Variants in ANO5 observed in about 807,000 individuals in gnomAD.
ANO5 encodes anoctamin-5.
Under a neutral mutation model 121.0 loss-of-function variants are expected in ANO5, and 109 were observed. The ratio of observed to expected loss-of-function variants is 0.90; its 90% CI spans 0.77 to 1.06. The LOEUF (loss-of-function observed/expected upper bound fraction) is 1.06. Ranked by LOEUF, ANO5 falls within the 50% of genes least tolerant of loss-of-function variation. The probability of loss-of-function intolerance (pLI) is 0.00; values close to 1 mark genes in which losing one functional copy is unlikely to be tolerated. For missense variants in ANO5, 1,064 were observed against 1,078.5 expected (o/e 0.99, Z 0.19); for synonymous variants, 406 against 359.9 (o/e 1.13, Z -1.45).
At chr11:22,258,496 G>A (rs951911367) in intron 14 of ANO5, among the ~76,000 whole-genome samples, 3 of 151,976 alleles carry the variant, frequency 2.0e-5, no homozygotes, top group Admixed American at 6.6e-5. Flanking sequence ...AATTTGACTC[G>A]CTTCCTCAAC....
chr11:22,257,102 T>C (rs752160517), intron 13 of ANO5, among the ~76,000 whole-genome samples: 3 of 151,600 alleles, frequency 2.0e-5, no homozygotes, highest in Non-Finnish European at 4.4e-5. Context: ...TTTTGTTTTG[T>C]TTTTTTACTA....
intron 7 of ANO5, among the ~76,000 whole-genome samples, chr11:22,230,728 C>A (rs888002832): frequency 2.6e-5 from 4 of 151,890 alleles, no homozygotes; most frequent in African/African-American, 4.8e-5. Context: ...CGGGTCCTCT[C>A]CTAAGTATCC....
At chr11:22,225,156 T>G (rs1477321929) in intron 5 of ANO5, among the ~76,000 whole-genome samples, 1 of 150,088 alleles carries the variant, frequency 6.7e-6, no homozygotes, top group Non-Finnish European at 1.5e-5. Context: ...TTTTTTGTCA[T>G]CAATACATTG....
chr11:22,269,511 A>C lies in ANO5; in HGVS notation c.1899-801A>C, dbSNP rs1010180665. On this transcript the variant is annotated intron_variant, in intron 17 of 21. Transcript: ENST00000324559. ...AAGAAAAAAGAAAAGGAAGGAAAGA[A>C]AAAAAGAAAAGGAAGGAAAGAAAAA... Among the ~76,000 whole-genome samples, 99 of 127,540 alleles carry C rather than the reference A, an allele frequency of 7.8e-4. 2 individuals carry two copies. The highest frequency in any genetic ancestry group is 3.9e-3 in the African/African-American group (91 of 23,256). The allele number at this position is 127,540 out of a possible 152,430, so 83.7% of individuals were successfully genotyped here. A position where few individuals can be genotyped will look rare whatever the true frequency, so the allele number is the denominator to read the frequency against.
intron 3 of ANO5, among the ~76,000 whole-genome samples, chr11:22,215,380 C>T (rs1460358884): frequency 6.6e-6 from 1 of 151,868 alleles, no homozygotes. Flanking sequence ...CCTTATGATT[C>T]AGTCATTAAT....
Position 22,257,690 on chromosome 11 carries a change from C to T in ANO5, c.1343C>T (p.Pro448Leu). ...TCTTCAATATTACAGGAGATGGAAC[C>T]TTACATGCCTCTATACACGCGTATT... is the stretch of plus-strand genomic sequence containing the variant. ...KLNAVTKEMEPYMPLYTRIPW... is the reference protein window; with the variant it reads ...KLNAVTKEMELYMPLYTRIPW... The change falls in exon 14 of 22, where the codon CCT (proline) becomes CTT (leucine). Residue 448 changes from proline (P) to leucine (L), a missense_variant. Transcript: ENST00000324559. 2 of 1,611,182 alleles carry T rather than the reference C, an allele frequency of 1.2e-6. No individual in the cohort carries two copies. Among genetic ancestry groups the T allele is most frequent in the African/African-American group, 2.7e-5 (2 of 74,916 alleles).
Position 22,260,047 on chromosome 11 carries a change from A to T in ANO5, c.1630+306A>T, listed in dbSNP as rs190175563. ...TAGTTGAATCCTAAGAAAAATAATCACTTTACTGAAGACACAGATAATTTT... is the reference window on the plus strand; with the variant it reads ...TAGTTGAATCCTAAGAAAAATAATCTCTTTACTGAAGACACAGATAATTTT... On this transcript the variant is annotated intron_variant, in intron 15 of 21. Transcript: ENST00000324559. Among the ~76,000 whole-genome samples, 62 of 152,052 alleles carry T rather than the reference A, an allele frequency of 4.1e-4. 1 individual carries two copies. Among genetic ancestry groups the T allele is most frequent in the Admixed American group, 3.9e-3 (59 of 15,252 alleles).
At position 22,250,804 on chromosome 11, in the gene ANO5, G is replaced by A. The variant is rs771457505; in HGVS notation, c.1077G>A (p.Val359=). The change falls in exon 11 of 22, where the codon GTG becomes GTA. Residue 359 remains valine, a synonymous_variant. Coordinates refer to ENST00000324559, the MANE Select transcript of ANO5 (RefSeq NM_213599.3). ...QMIMCPLCDQ[V]CDYWRLNSTC... is the part of the protein sequence containing the mutation. Reference sequence around the variant, plus strand: ...TCATGTGCCCACTCTGTGATCAAGTGTGTGATTATTGGAGACTAAATAGTA... The same window carrying A: ...TCATGTGCCCACTCTGTGATCAAGTATGTGATTATTGGAGACTAAATAGTA... The A allele has an allele frequency of 1.2e-6, 2 of 1,614,078 alleles. No homozygotes were observed. The highest frequency in any genetic ancestry group is 1.7e-6 in the Non-Finnish European group (2 of 1,179,950).
At chr11:22,268,587 C>T (rs1165927190) in intron 17 of ANO5, among the ~76,000 whole-genome samples, 1 of 152,156 alleles carries the variant, frequency 6.6e-6, no homozygotes, top group East Asian at 1.9e-4. Context: ...ACAGATTTCT[C>T]CTTTATTTCC....
intron 3 of ANO5, 74 bp from the exon 4 acceptor site, chr11:22,218,172 T>C (rs1852522781): frequency 7.3e-6 from 11 of 1,509,378 alleles, no homozygotes; most frequent in Non-Finnish European, 1.0e-5. Context: ...GGTTAGTTTG[T>C]CTTTGTCTTT....
chr11:22,263,473 C>T (rs1854263370), intron 17 of ANO5, among the ~76,000 whole-genome samples: 2 of 151,914 alleles, frequency 1.3e-5, no homozygotes, highest in South Asian at 2.1e-4. Context: ...GTAAAAATAT[C>T]GATGTGTCAT....
chr11:22,274,836 A>C, intron 20 of ANO5, 89 bp downstream of exon 20: 1 of 1,482,580 alleles, frequency 6.7e-7, no homozygotes, highest in Non-Finnish European at 9.2e-7. Flanking sequence ...CTTACAATAT[A>C]AAGGATTTTC....
chr11:22,282,248 A>G lies in ANO5; in HGVS notation c.*2483A>G, dbSNP rs1026644957. Reference sequence around the variant, plus strand: ...TATGTGAAATAAAATTTTAAGTGCCAAAGCCAAAAAAATACTTAACTCTTT... The same window carrying G: ...TATGTGAAATAAAATTTTAAGTGCCGAAGCCAAAAAAATACTTAACTCTTT... On this transcript the variant is annotated 3_prime_UTR_variant, in exon 22 of 22. Coordinates refer to ENST00000324559, the MANE Select transcript of ANO5 (RefSeq NM_213599.3). 4 of 152,112 alleles carry G rather than the reference A, an allele frequency of 2.6e-5. No homozygotes were observed. The highest frequency in any genetic ancestry group is 4.4e-5 in the Non-Finnish European group (3 of 68,004). The allele number at this position is 152,112 out of a possible 1,614,324, so 9.4% of individuals were successfully genotyped here. A position where few individuals can be genotyped will look rare whatever the true frequency, so the allele number is the denominator to read the frequency against.
chr11:22,268,669 G>T (rs11026485), intron 17 of ANO5, among the ~76,000 whole-genome samples: 13,911 of 152,104 alleles, frequency 0.091, 2,127 homozygotes, highest in African/African-American at 0.32. Context: ...TCATGCAAGT[G>T]CTTATTTTGT....
chr11:22,270,520 C>T, intron 18 of ANO5, 78 bp downstream of exon 18: 1 of 1,573,704 alleles, frequency 6.4e-7, no homozygotes, highest in Non-Finnish European at 8.7e-7. Flanking sequence ...TTCTTTCTGC[C>T]TTGCACATGG....
At chr11:22,229,602 G>T (rs564526433) in intron 7 of ANO5, among the ~76,000 whole-genome samples, 49 of 151,876 alleles carry the variant, frequency 3.2e-4, no homozygotes, top group Non-Finnish European at 6.5e-4. Flanking sequence ...AATAATATAT[G>T]TAATGCACTT....
At chr11:22,273,533 G>A (rs1274519507) in intron 19 of ANO5, among the ~76,000 whole-genome samples, 1 of 152,074 alleles carries the variant, frequency 6.6e-6, no homozygotes, top group South Asian at 2.1e-4. Context: ...ATGAAAGCCT[G>A]TAGGAATGAG....
At chr11:22,253,788 G>A (rs993881729) in intron 12 of ANO5, among the ~76,000 whole-genome samples, 6 of 152,104 alleles carry the variant, frequency 3.9e-5, no homozygotes, top group Non-Finnish European at 7.4e-5. Context: ...AAATGCTGAG[G>A]GAGTACAGAG....
intron 7 of ANO5, 34 bp downstream of exon 7, chr11:22,227,620 A>G (rs1010695404): frequency 6.2e-7 from 1 of 1,604,546 alleles, no homozygotes; most frequent in Admixed American, 1.7e-5. Flanking sequence ...ACATCCCTTC[A>G]AATACGAGAT....
Sources: gnomAD v4.1 joint callset for allele counts (sites outside exome capture counted in the v4.1 genomes callset) on GRCh38, gnomAD v4.1.1 for gene constraint, MANE v1.5 for transcripts, NCBI Gene and HGNC (gene_info 2026-07-23, HGNC 2026-07-21) for gene names.